SLC4A8: variants seen among roughly 807,000 people sequenced by gnomAD.
The protein encoded by SLC4A8 is solute carrier family 4 member 8, also known as electroneutral sodium bicarbonate exchanger 1.
In SLC4A8, 40 loss-of-function variants were observed where a neutral mutation model predicts 125.0. The ratio of observed to expected loss-of-function variants is 0.32; its 90% CI spans 0.25 to 0.42. SLC4A8 has a LOEUF of 0.42. Among genes scored for constraint, SLC4A8 ranks in the 10% least tolerant of loss-of-function variants. SLC4A8 has a pLI of 1.00. For synonymous variants in SLC4A8, 456 were observed against 476.0 expected (o/e 0.96, Z 0.55); for missense variants, 863 against 1,355.1 (o/e 0.64, Z 5.70).
chr12:51,443,696 C>T (rs1390462566), intron 2 of SLC4A8, among the ~76,000 whole-genome samples: 1 of 152,140 alleles, frequency 6.6e-6, no homozygotes, highest in Non-Finnish European at 1.5e-5. Context: ...TTTATAACTT[C>T]TAAAAAGGCT....
chr12:51,406,861 G>A (rs974366726), intron 1 of SLC4A8, among the ~76,000 whole-genome samples: 1 of 152,240 alleles, frequency 6.6e-6, no homozygotes, highest in Non-Finnish European at 1.5e-5. Flanking sequence ...CTAATGAGGA[G>A]GAGCCAGGCT....
At chr12:51,463,087 G>A (rs934427499) in intron 10 of SLC4A8, among the ~76,000 whole-genome samples, 1 of 151,938 alleles carries the variant, frequency 6.6e-6, no homozygotes, top group Non-Finnish European at 1.5e-5. Context: ...TATAGAGAGA[G>A]CAGATAGAAT....
At position 51,515,482 on chromosome 12, in the gene SLC4A8, T is replaced by C. The variant is rs1370259750; in HGVS notation, c.*8044T>C. 6.6e-6 allele frequency: 1 copy of C among 152,200 alleles called. No homozygotes were observed. The highest frequency in any genetic ancestry group is 1.9e-4 in the East Asian group (1 of 5,198). 9.4% of individuals were successfully genotyped at this position (152,200 alleles called of 1,614,324 possible). ...TGGGTCTCATGTAGAGATAGAGATA[T>C]TTTTTTGTTTTAGAGATTCCAAAGT... is the stretch of plus-strand genomic sequence containing the variant. On this transcript the variant is annotated 3_prime_UTR_variant, in exon 25 of 25. Coordinates refer to ENST00000453097, the MANE Select transcript of SLC4A8 (RefSeq NM_001039960.3).
chr12:51,493,193 A>G (rs887976127), intron 19 of SLC4A8, among the ~76,000 whole-genome samples: 3 of 152,182 alleles, frequency 2.0e-5, no homozygotes, highest in Admixed American at 2.0e-4. Flanking sequence ...AGTGCAGTAT[A>G]ATAATGTCGG....
intron 1 of SLC4A8, among the ~76,000 whole-genome samples, chr12:51,399,996 A>AG (rs1948342207): frequency 7.2e-6 from 1 of 138,034 alleles, no homozygotes; most frequent in Non-Finnish European, 1.6e-5. Flanking sequence ...AAAAAAAAAA[A>AG]AAAACCATGT....
rs934508439 is a variant in SLC4A8 at position 51,448,886 on chromosome 12, G to A, written c.131-1990G>A. On this transcript the variant is annotated intron_variant, in intron 2 of 24. Coordinates refer to ENST00000453097, the MANE Select transcript of SLC4A8 (RefSeq NM_001039960.3). ...TAGGTTGTGACTGTTTTTGGAAGTG[G>A]TTTGATAAAGAAGGAAAGAGGAAAC... 2.6e-5 allele frequency among the ~76,000 whole-genome samples: 4 copies of A among 152,286 alleles called. No homozygotes were observed. The East Asian group carries it at 5.8e-4, about 22-fold the overall frequency.
Position 51,485,855 on chromosome 12 carries a change from G to T in SLC4A8, c.2241G>T (p.Leu747Phe), listed in dbSNP as rs147780733. The T allele has an allele frequency of 4.3e-6, 7 of 1,613,278 alleles. No homozygotes were observed. The highest frequency in any genetic ancestry group is 2.2e-5 in the East Asian group (1 of 44,868). The stretch of plus-strand genomic sequence containing the variant: ...TCACAATGGTGATTATTGATTTTTT[G>T]ATTGGAGTCCCATCACCAAAGCTTC... ...TIFTMVIIDFLIGVPSPKLQV... is the reference protein window; with the variant it reads ...TIFTMVIIDFFIGVPSPKLQV... The change falls in exon 17 of 25, where the codon TTG becomes TTT. Residue 747 changes from leucine (L) to phenylalanine (F), a missense_variant. Around this residue, in one of 6 missense-constraint regions of SLC4A8, gnomAD observed 197 missense variants for 377.7 expected, o/e 0.52. Coordinates refer to ENST00000453097, the MANE Select transcript of SLC4A8 (RefSeq NM_001039960.3).
chr12:51,494,679 AAG>A (rs1201210966), intron 20 of SLC4A8: 2 of 306,574 alleles, frequency 6.5e-6, no homozygotes, highest in African/African-American at 2.1e-5. Context: ...CCCCCTGAGA[AAG>A]AGCTCTCTTA....
chr12:51,491,740 G>GAC (rs35694156), intron 19 of SLC4A8, among the ~76,000 whole-genome samples: 46,920 of 145,306 alleles, frequency 0.32, 7,409 homozygotes, highest in East Asian at 0.39. Context: ...GGGATGGGCA[G>GAC]ACACACACAC....
intron 2 of SLC4A8, among the ~76,000 whole-genome samples, chr12:51,442,800 G>A (rs1949643835): frequency 6.6e-6 from 1 of 152,198 alleles, no homozygotes; most frequent in Non-Finnish European, 1.5e-5. Context: ...CTATAGGGTT[G>A]GCTGTGCTGT....
intron 1 of SLC4A8, 141 bp downstream of exon 1, chr12:51,425,176 CA>C: frequency 5.6e-6 from 8 of 1,425,862 alleles, no homozygotes; most frequent in Non-Finnish European, 6.4e-6. Context: ...CCCGGGACAC[CA>C]GGGGGCGCTC....
chr12:51,462,301 T>G lies in SLC4A8; in HGVS notation c.1102-9T>G. Reference sequence around the variant, plus strand: ...TTTAACTTTCCTGAGGGTTTTCTCTTCTCTGTAGATTTTTCATGACGTAGC... The same window carrying G: ...TTTAACTTTCCTGAGGGTTTTCTCTGCTCTGTAGATTTTTCATGACGTAGC... On this transcript the variant is annotated splice_polypyrimidine_tract_variant and intron_variant, in intron 9 of 24. Coordinates refer to ENST00000453097, the MANE Select transcript of SLC4A8 (RefSeq NM_001039960.3). 1 of 1,613,654 alleles carries G rather than the reference T, an allele frequency of 6.2e-7. No individual in the cohort carries two copies. Among genetic ancestry groups the G allele is most frequent in the Non-Finnish European group, 8.5e-7 (1 of 1,179,600 alleles).
chr12:51,495,482 T>C (rs1951438591), intron 21 of SLC4A8, among the ~76,000 whole-genome samples: 1 of 140,132 alleles, frequency 7.1e-6, no homozygotes, highest in Admixed American at 7.1e-5. Flanking sequence ...TTTTTTTTTT[T>C]TTTTTTTTTT....
At chr12:51,463,764 T>C in intron 11 of SLC4A8, 50 bp downstream of exon 11, 2 of 1,247,238 alleles carry the variant, frequency 1.6e-6, no homozygotes, top group African/African-American at 3.0e-5. Flanking sequence ...GTAGAAGTTA[T>C]GCAAAGGAAT....
intron 19 of SLC4A8, among the ~76,000 whole-genome samples, chr12:51,491,737 GCAGA>G (rs1208209218): frequency 0.014 from 1,752 of 126,866 alleles, 23 homozygotes; most frequent in South Asian, 0.021. Context: ...CTGGGGATGG[GCAGA>G]CACACACACA....
intron 14 of SLC4A8, among the ~76,000 whole-genome samples, chr12:51,473,071 A>G (rs1950752033): frequency 2.0e-5 from 3 of 152,148 alleles, no homozygotes; most frequent in African/African-American, 4.8e-5. Flanking sequence ...CCCAAAGTCC[A>G]TAGATTACAT....
At chr12:51,503,048 T>C (rs1937988246) in intron 22 of SLC4A8, among the ~76,000 whole-genome samples, 1 of 150,926 alleles carries the variant, frequency 6.6e-6, no homozygotes, top group Non-Finnish European at 1.5e-5. Context: ...TTCACCGTGT[T>C]AGCCAGGGTG....
chr12:51,414,443 G>C (rs11169832), intron 1 of SLC4A8, among the ~76,000 whole-genome samples: 2 of 152,012 alleles, frequency 1.3e-5, no homozygotes, highest in African/African-American at 2.4e-5. Context: ...TGGCTAGGAC[G>C]TACAGTATTA....
At chr12:51,420,511 C>A (rs187193337), upstream of SLC4A8, among the ~76,000 whole-genome samples, 1 of 152,194 alleles carries the variant, frequency 6.6e-6, no homozygotes, top group Admixed American at 6.5e-5. Context: ...TAAGGTGCCT[C>A]ATGCTTCCTT....
Sources: gnomAD v4.1 joint callset for allele counts (sites outside exome capture counted in the v4.1 genomes callset) on GRCh38, gnomAD v4.1.1 for gene constraint, gnomAD v4.1.1 regional missense constraint, MANE v1.5 for transcripts, NCBI Gene and HGNC (gene_info 2026-07-23, HGNC 2026-07-21) for gene names.